The following SPAG9 variants were observed in gnomAD, a reference collection of about 807,000 sequenced individuals.
SPAG9 encodes the protein C-Jun-amino-terminal kinase-interacting protein 4.
Under a neutral mutation model 166.5 loss-of-function variants are expected in SPAG9, and 35 were observed. The observed-to-expected ratio is 0.21, with a 90% CI of 0.16 to 0.28. The LOEUF (loss-of-function observed/expected upper bound fraction) is 0.28, where lower values mean the gene tolerates loss of function less well. SPAG9 is among the 10% of genes least tolerant of loss of function. SPAG9 has a pLI of 1.00. For synonymous variants in SPAG9, 534 were observed against 565.5 expected, an observed-to-expected ratio of 0.94 and a Z score of 0.79; for missense variants, 1,235 against 1,603.3, an observed-to-expected ratio of 0.77 and a Z score of 3.92.
rs1451799330 is a variant in SPAG9, at chr17:50,977,214, T to A, written c.3417A>T (p.Gly1139=). The change falls in exon 27 of 30, where the codon GGA becomes GGT. Residue 1139 remains glycine, a synonymous_variant. Coordinates refer to ENST00000262013, the MANE Select transcript of SPAG9 (RefSeq NM_001130528.3). ...TTCTCACAAAAGAGAAGCCCAGTTT[T>A]CCAGTACCTGTAAAGAAAGGAGGGA... ...EPYVSKMLGT[G]KLGFSFVRIT... is the part of the protein sequence containing the mutation. The A allele has an allele frequency of 3.1e-6, 5 of 1,605,588 alleles. No individual in the cohort carries two copies. The highest frequency in any genetic ancestry group is 4.3e-6 in the Non-Finnish European group (5 of 1,172,452).
intron 1 of SPAG9, among the ~76,000 whole-genome samples, chr17:51,108,386 CAAAAA>C (rs71355710): frequency 5.0e-5 from 6 of 119,312 alleles, no homozygotes; most frequent in Non-Finnish European, 7.0e-5. Flanking sequence ...AAGACTGTCT[CAAAAA>C]AAAAAAAAAA....
At chr17:51,092,291 C>T (rs908454439) in intron 1 of SPAG9, among the ~76,000 whole-genome samples, 2 of 151,504 alleles carry the variant, frequency 1.3e-5, no homozygotes, top group East Asian at 3.9e-4. Context: ...TTTTTTAACA[C>T]AAATGATTTG....
chr17:50,985,589 T>C (rs779897363), intron 23 of SPAG9, 109 bp downstream of exon 23: 23 of 615,692 alleles, frequency 3.7e-5, no homozygotes, highest in Non-Finnish European at 5.9e-5. Flanking sequence ...AACAAACAAA[T>C]TGGATACTAA....
At chr17:51,097,709 C>T (rs886595958) in intron 1 of SPAG9, among the ~76,000 whole-genome samples, 16 of 152,086 alleles carry the variant, frequency 1.1e-4, no homozygotes, top group Middle Eastern at 3.2e-3. Flanking sequence ...CTCAAGTAGA[C>T]AGTGTCAGTA....
chr17:51,084,527 C>T (rs1173576453), intron 1 of SPAG9, among the ~76,000 whole-genome samples: 1 of 152,134 alleles, frequency 6.6e-6, no homozygotes, highest in Non-Finnish European at 1.5e-5. Context: ...CCTGCCTCAG[C>T]CTCTGCGTAG....
chr17:51,072,746 T>C (rs2047858776), intron 2 of SPAG9, among the ~76,000 whole-genome samples: 1 of 152,194 alleles, frequency 6.6e-6, no homozygotes, highest in South Asian at 2.1e-4. Flanking sequence ...TTTTCTATTA[T>C]ACAAAACAAG....
chr17:51,089,620 T>TTATATATATATATATATATATA (rs746370783), intron 1 of SPAG9, among the ~76,000 whole-genome samples: 1 of 40,494 alleles, frequency 2.5e-5, no homozygotes, highest in Non-Finnish European at 4.4e-5. Context: ...ACACTTTATT[T>TTATATATATATATATATATATA]TATATATATA....
intron 5 of SPAG9, among the ~76,000 whole-genome samples, chr17:51,036,526 T>C (rs1042202008): frequency 2.6e-5 from 4 of 152,104 alleles, no homozygotes; most frequent in Admixed American, 2.6e-4. Flanking sequence ...ATGCATCTTC[T>C]TTCTTCTCCA....
chr17:50,994,730 T>C (rs984451964), intron 18 of SPAG9, among the ~76,000 whole-genome samples: 5 of 152,182 alleles, frequency 3.3e-5, no homozygotes, highest in African/African-American at 7.2e-5. Context: ...GCCTATGTGA[T>C]AGAGTGAGAC....
At chr17:51,087,820 C>T (rs949677889) in intron 1 of SPAG9, among the ~76,000 whole-genome samples, 7 of 152,178 alleles carry the variant, frequency 4.6e-5, no homozygotes, top group Admixed American at 2.0e-4. Context: ...ACTGCAGCCT[C>T]GACTTCCTGG....
At chr17:50,966,436 G>T in intron 29 of SPAG9, 49 bp from the exon 30 acceptor site, 1 of 1,140,702 alleles carries the variant, frequency 8.8e-7, no homozygotes, top group Non-Finnish European at 1.3e-6. Flanking sequence ...ATAAAATATA[G>T]AATGATGTGA....
intron 8 of SPAG9, among the ~76,000 whole-genome samples, chr17:51,016,862 C>T (rs966720704): frequency 4.6e-5 from 7 of 152,162 alleles, no homozygotes; most frequent in Non-Finnish European, 1.0e-4. Context: ...GATCACACCA[C>T]TGCACTCCAG....
At chr17:51,116,908 A>G (rs1392516175) in intron 1 of SPAG9, among the ~76,000 whole-genome samples, 1 of 152,214 alleles carries the variant, frequency 6.6e-6, no homozygotes, top group Non-Finnish European at 1.5e-5. Context: ...GCTATGTAAA[A>G]TTCTAAGGAG....
chr17:50,998,693 T>C, intron 14 of SPAG9, 76 bp from the exon 15 acceptor site: 1 of 1,412,684 alleles, frequency 7.1e-7, no homozygotes, highest in East Asian at 2.3e-5. Flanking sequence ...ACTTTAATGT[T>C]GAAGAAAATT....
At chr17:50,970,350 C>T (rs1973684550) in intron 29 of SPAG9, among the ~76,000 whole-genome samples, 1 of 151,988 alleles carries the variant, frequency 6.6e-6, no homozygotes, top group African/African-American at 2.4e-5. Context: ...CTTGTCTCTA[C>T]TGAAAATACA....
chr17:51,020,855 T>C (rs1478066928), intron 7 of SPAG9, among the ~76,000 whole-genome samples: 1 of 152,206 alleles, frequency 6.6e-6, no homozygotes, highest in African/African-American at 2.4e-5. Flanking sequence ...ATACTTTAAA[T>C]CATCTCTAGA....
chr17:51,104,620 G>C (rs1008109635), intron 1 of SPAG9, among the ~76,000 whole-genome samples: 2 of 150,800 alleles, frequency 1.3e-5, no homozygotes, highest in South Asian at 2.1e-4. Context: ...TGGGTAACAA[G>C]AGCAAAACGC....
At chr17:51,077,029 T>TCTAGCTATCTAGCTAGCTAGCTAG (rs1442787507) in intron 2 of SPAG9, among the ~76,000 whole-genome samples, 4 of 65,250 alleles carry the variant, frequency 6.1e-5, no homozygotes, top group African/African-American at 1.7e-4. Flanking sequence ...TATCTAGCTA[T>TCTAGCTATCTAGCTAGCTAGCTAG]CTATCTAGCT....
intron 5 of SPAG9, among the ~76,000 whole-genome samples, chr17:51,036,083 G>A (rs2046573642): frequency 6.6e-6 from 1 of 152,026 alleles, no homozygotes; most frequent in Non-Finnish European, 1.5e-5. Flanking sequence ...CTAAGATTCT[G>A]ATACATCAAT....
Sources: allele counts gnomAD v4.1 joint callset (sites outside exome capture counted in the v4.1 genomes callset), GRCh38; gene constraint gnomAD v4.1.1; transcripts MANE v1.5; gene names NCBI Gene and HGNC (gene_info 2026-07-23, HGNC 2026-07-21).